Variants in PKN3 observed in about 807,000 individuals in gnomAD.
PKN3 encodes serine/threonine-protein kinase N3.
PKN3 carries 91 observed loss-of-function variants against 113.1 expected under a neutral mutation model. That is an observed-to-expected ratio of 0.80 (90% confidence interval 0.68 to 0.96). The LOEUF is 0.96. PKN3 is among the 40% of genes least tolerant of loss of function. The probability of loss-of-function intolerance (pLI) is 0.00; values close to 1 mark genes in which losing one functional copy is unlikely to be tolerated. For synonymous variants in PKN3, 467 were observed against 499.0 expected (o/e 0.94, Z 0.85); for missense variants, 1,052 against 1,202.2 (o/e 0.88, Z 1.85).
rs759064886 is a variant in PKN3 at position 128,714,554 on chromosome 9, C to T, written c.1482-8C>T. 8.6e-7 allele frequency: 1 copy of T among 1,156,856 alleles called. No homozygotes were observed. The highest frequency in any genetic ancestry group is 1.2e-5 in the South Asian group (1 of 82,100). The allele number at this position is 1,156,856 out of a possible 1,614,324, so 71.7% of individuals were successfully genotyped here. The stretch of plus-strand genomic sequence containing the variant: ...GTGCTGGGCACTGTGTCTACTTTCT[C>T]CCTACAGTAATTTCCTGCCCAAGAA... On this transcript the variant is annotated splice_region_variant and splice_polypyrimidine_tract_variant and intron_variant, in intron 11 of 21. Transcript: ENST00000291906.
chr9:128,705,843 G>A lies in PKN3; in HGVS notation c.375G>A (p.Glu125=), dbSNP rs753523080. The change falls in exon 3 of 22, where the codon GAG becomes GAA. Residue 125 remains glutamate (E), a synonymous_variant. Transcript: ENST00000291906. The part of the protein sequence containing the change: ...HVELKVKQGA[E]NMTHTCASGT... Reference sequence around the variant, plus strand: ...AGCTGAAGGTGAAGCAGGGGGCTGAGAACATGACCCACACGTGCGCCAGTG... The same window carrying A: ...AGCTGAAGGTGAAGCAGGGGGCTGAAAACATGACCCACACGTGCGCCAGTG... 20 of 1,607,864 alleles carry A rather than the reference G, an allele frequency of 1.2e-5. No individual in the cohort carries two copies. Among genetic ancestry groups the A allele is most frequent in the Non-Finnish European group, 1.7e-5 (20 of 1,176,758 alleles).
chr9:128,714,680 G>A lies in PKN3; in HGVS notation c.1584+16G>A. On this transcript the variant is annotated intron_variant, in intron 12 of 21. Transcript: ENST00000291906. ...GGAGACTCCGGTGAGGGGCTGGAGG[G>A]ACTAGTGGCTCCTAGGGCCGGCTGG... The A allele has an allele frequency of 7.4e-7, 1 of 1,342,988 alleles. No individual in the cohort carries two copies. The highest frequency in any genetic ancestry group is 1.1e-6 in the Non-Finnish European group (1 of 933,330). 83.2% of individuals were successfully genotyped at this position (1,342,988 alleles called of 1,614,324 possible).
In PKN3 at chr9:128,714,273, C is replaced by T. The variant is rs1266190914; in HGVS notation, c.1389C>T (p.Pro463=). ...AWGRLVMNLL[P]PCSSPSTISP... ...GGCGCCTCGTCATGAACCTGCTGCC[C>T]CCCTGCAGCTCCCCGAGCACAATCA... Residue 463 remains proline, a synonymous_variant, in exon 11 of 22, where the codon CCC becomes CCT. Transcript: ENST00000291906. The T allele has an allele frequency of 6.2e-7, 1 of 1,613,626 alleles. No homozygotes were observed. Among genetic ancestry groups the T allele is most frequent in the African/African-American group, 1.3e-5 (1 of 74,982 alleles).
chr9:128,719,975 C>A lies in PKN3; in HGVS notation c.2334C>A (p.Tyr778Ter). Residue 778 changes from tyrosine to a stop codon, truncating the protein, a stop_gained, in exon 20 of 22, where the codon TAC (tyrosine) becomes TAA (stop). Coordinates refer to ENST00000291906, the MANE Select transcript of PKN3 (RefSeq NM_013355.5). LOFTEE classifies it high-confidence loss of function. ...GCATCGTCAACATGGACGCCCCCTA[C>A]CCCGGCTTTCTGTCGGTGCAAGGGC... Reference protein sequence around the residue: ...FDCIVNMDAPYPGFLSVQGLE... With the variant: ...FDCIVNMDAP 1 of 1,614,146 alleles carries A rather than the reference C, an allele frequency of 6.2e-7. No individual in the cohort carries two copies. Among genetic ancestry groups the A allele is most frequent in the South Asian group, 1.1e-5 (1 of 91,090 alleles).
chr9:128,720,059 AAGGCCCATGTGCCCTCTG>A lies in PKN3; in HGVS notation c.2376+43_2376+60del. The A allele has an allele frequency of 6.4e-7, 1 of 1,564,506 alleles. No individual in the cohort carries two copies. The highest frequency in any genetic ancestry group is 8.8e-7 in the Non-Finnish European group (1 of 1,135,132). ...CTGGGGCTGGGCTGGATGGCCGCTC[AAGGCCCATGTGCCCTCTG>A]CCGTGGGACAGCAGACCCCCTGCCA... On this transcript the variant is annotated intron_variant, in intron 20 of 21. Transcript: ENST00000291906. The surrounding 1 kb of genome is among the most constrained non-coding windows in gnomAD (Gnocchi z 5.5).
At chr9:128,703,812 C>T (rs1480462479) in intron 1 of PKN3, 1 of 985,352 alleles carries the variant, frequency 1.0e-6, no homozygotes, top group African/African-American at 1.7e-5. Flanking sequence ...CTCCCACCCC[C>T]TTCCTCTGGA....
chr9:128,714,232 G>A lies in PKN3; in HGVS notation c.1348G>A (p.Gly450Ser), dbSNP rs73669966. The A allele has an allele frequency of 3.1e-3, 5,019 of 1,613,898 alleles. 149 individuals are homozygous for A. In the African/African-American group the frequency reaches 0.058, roughly 19 times the overall value. ...CCTGAGGGCTTCGCAGATGAACCTC[G>A]GCATGGCGGCCTGGGGGCGCCTCGT... ...DFLRASQMNL[G>S]MAAWGRLVMN... Residue 450 changes from glycine (G) to serine (S), a missense_variant, in exon 11 of 22, where the codon GGC becomes AGC. By Grantham distance (56) the Gly-to-Ser change is moderately conservative (BLOSUM62 0). Transcript: ENST00000291906.
intron 3 of PKN3, 40 bp from the exon 4 acceptor site, chr9:128,706,673 C>A (rs765010163): frequency 7.0e-7 from 1 of 1,421,044 alleles, no homozygotes; most frequent in South Asian, 1.4e-5. Context: ...GAAGCTGTGG[C>A]CCAGGCCTGG....
At position 128,713,756 on chromosome 9, in the gene PKN3, G is replaced by A. The variant is rs191657959; in HGVS notation, c.1236+114G>A. On this transcript the variant is annotated intron_variant, in intron 9 of 21. Coordinates refer to ENST00000291906, the MANE Select transcript of PKN3 (RefSeq NM_013355.5). ...GCAGAGACTGACGACCAGAGAGGAG[G>A]GCTCCAGGAATAAGGGCTCCTAGCC... is the stretch of plus-strand genomic sequence containing the variant. 811 of 1,134,838 alleles carry A rather than the reference G, an allele frequency of 7.1e-4. 3 individuals are homozygous for A. Among genetic ancestry groups the A allele is most frequent in the Middle Eastern group, 5.1e-3 (21 of 4,098 alleles). The allele number at this position is 1,134,838 out of a possible 1,614,324, so 70.3% of individuals were successfully genotyped here.
chr9:128,714,960 G>A (rs536780401), intron 13 of PKN3, 95 bp downstream of exon 13: 14 of 1,270,302 alleles, frequency 1.1e-5, no homozygotes, highest in South Asian at 2.4e-5. Context: ...GCTCCCTGGC[G>A]GGTGCGCTGA....
intron 18 of PKN3, 140 bp downstream of exon 18, chr9:128,718,765 G>A (rs1862420678): frequency 2.6e-6 from 2 of 756,538 alleles, no homozygotes; most frequent in Admixed American, 2.1e-5. Flanking sequence ...CTCATTCCAG[G>A]GGACAGCTGG....
chr9:128,709,625 G>T (rs778627128), intron 6 of PKN3, among the ~76,000 whole-genome samples: 4 of 151,604 alleles, frequency 2.6e-5, no homozygotes, highest in Non-Finnish European at 5.9e-5. Context: ...GGTGGTGCAT[G>T]CCTATAATCC....
chr9:128,717,693 G>T (rs1305766639), intron 16 of PKN3, among the ~76,000 whole-genome samples: 1 of 139,122 alleles, frequency 7.2e-6, no homozygotes, highest in African/African-American at 2.7e-5. Context: ...CCGCCACTTC[G>T]GTCTGGCGAC....
chr9:128,703,069 T>TGGCCCC (rs1028351803), intron 1 of PKN3, 130 bp downstream of exon 1: 11 of 654,350 alleles, frequency 1.7e-5, no homozygotes, highest in South Asian at 2.5e-5. Flanking sequence ...GCCCCTGCCC[T>TGGCCCC]GGCCCCGGCC....
In PKN3 at chr9:128,706,805, C is replaced by A; in HGVS notation, c.504C>A (p.Ala168=). 6.2e-7 allele frequency: 1 copy of A among 1,610,614 alleles called. No individual in the cohort carries two copies. Among genetic ancestry groups the A allele is most frequent in the African/African-American group, 1.3e-5 (1 of 75,016 alleles). The change falls in exon 4 of 22, where the codon GCC becomes GCA. Residue 168 remains alanine, a synonymous_variant. Transcript: ENST00000291906. ...LLRMKISSLE[A]SGSPEPGPEL... ...GGATGAAGATCAGCAGCCTGGAGGCCAGTGGGTCCCCGGAGCCAGGTGAGG... is the reference window on the plus strand; with the variant it reads ...GGATGAAGATCAGCAGCCTGGAGGCAAGTGGGTCCCCGGAGCCAGGTGAGG...
chr9:128,711,771 G>A (rs531337489), intron 6 of PKN3, among the ~76,000 whole-genome samples: 2 of 151,554 alleles, frequency 1.3e-5, no homozygotes, highest in Admixed American at 1.3e-4. Context: ...GCTAATATTT[G>A]TATTTTTAGT....
intron 1 of PKN3, chr9:128,703,386 A>G (rs1198144311): frequency 1.6e-5 from 16 of 985,274 alleles, no homozygotes; most frequent in Non-Finnish European, 1.8e-5. Flanking sequence ...CAGTGGCAGG[A>G]GTCCTTCCCG....
chr9:128,716,577 G>A (rs1862344073), intron 15 of PKN3, among the ~76,000 whole-genome samples, 170 bp from the exon 16 acceptor site: 1 of 148,242 alleles, frequency 6.7e-6, no homozygotes. Context: ...CAGCCCAGGC[G>A]ACAGAGCAAG....
rs781485676 is a variant in PKN3, at chr9:128,713,191, G to A, written c.975G>A (p.Glu325=). ...CCAAGCACCAGCGTGGCCGAGGCGA[G>A]CTTGCCAGTGAGTAGGGAAGGAGCT... ...TKAKHQRGRG[E]LASEVLAVLK... The change falls in exon 7 of 22, where the codon GAG becomes GAA. Residue 325 remains glutamate, a synonymous_variant. Coordinates refer to ENST00000291906, the MANE Select transcript of PKN3 (RefSeq NM_013355.5). 1.9e-6 allele frequency: 3 copies of A among 1,606,866 alleles called. No individual in the cohort carries two copies. Among genetic ancestry groups the A allele is most frequent in the Middle Eastern group, 1.7e-4 (1 of 6,058 alleles).
Sources: gnomAD v4.1 joint callset for allele counts (sites outside exome capture counted in the v4.1 genomes callset) on GRCh38, gnomAD v4.1.1 for gene constraint, Gnocchi (gnomAD v3.1) non-coding constraint, MANE v1.5 for transcripts, NCBI Gene and HGNC (gene_info 2026-07-23, HGNC 2026-07-21) for gene names.